The following GIT1 variants were observed in gnomAD, a reference collection of about 807,000 sequenced individuals.
The protein encoded by GIT1 is GIT ArfGAP 1.
GIT1 carries 14 observed loss-of-function variants against 91.7 expected under a neutral mutation model. The observed-to-expected ratio is 0.15, with a 90% CI of 0.10 to 0.24. The LOEUF (loss-of-function observed/expected upper bound fraction) is 0.24, where lower values mean the gene tolerates loss of function less well. GIT1 is among the 10% of genes least tolerant of loss of function. The pLI is 1.00. For synonymous variants in GIT1, 414 were observed against 418.2 expected (o/e 0.99, Z 0.12); for missense variants, 717 against 1,024.9 (o/e 0.70, Z 4.10).
intron 9 of GIT1, 141 bp downstream of exon 9, chr17:29,578,158 C>G (rs1286910284): frequency 4.1e-6 from 3 of 726,342 alleles, no homozygotes; most frequent in Non-Finnish European, 7.3e-6. Flanking sequence ...CCCAGGCAGG[C>G]TCACAGCCAG....
chr17:29,576,944 G>A lies in GIT1; in HGVS notation c.1146C>T (p.Asp382=). The part of the protein sequence containing the change: ...RSQSDLDDQH[D]YDSVASDEDT... The stretch of plus-strand genomic sequence containing the variant: ...CCTCGTCAGAGGCCACGCTGTCGTA[G>A]TCGTGTTGGTCGTCGAGGTCACTCT... The change falls in exon 12 of 20, where the codon GAC becomes GAT. Residue 382 remains aspartate (D), a synonymous_variant. Coordinates refer to ENST00000225394, the MANE Select transcript of GIT1 (RefSeq NM_014030.4). 1 of 1,596,718 alleles carries A rather than the reference G, an allele frequency of 6.3e-7. No individual in the cohort carries two copies. Among genetic ancestry groups the A allele is most frequent in the Non-Finnish European group, 8.5e-7 (1 of 1,175,920 alleles).
In GIT1 at chr17:29,581,411, A is replaced by C. The variant is rs754184275; in HGVS notation, c.719-31T>G. Reference sequence around the variant, plus strand: ...CAAAAATAAAAATGCCAAGTCACTCACTAGTGCTGGGTGGCCTCAGCAGCT... The same window carrying C: ...CAAAAATAAAAATGCCAAGTCACTCCCTAGTGCTGGGTGGCCTCAGCAGCT... On this transcript the variant is annotated intron_variant, in intron 6 of 19. Coordinates refer to ENST00000225394, the MANE Select transcript of GIT1 (RefSeq NM_014030.4). This position sits in a 1 kb window ranked among gnomAD's most constrained non-coding sequence, Gnocchi z 4.8. 6.3e-7 allele frequency: 1 copy of C among 1,584,810 alleles called. No homozygotes were observed. The highest frequency in any genetic ancestry group is 1.1e-5 in the South Asian group (1 of 90,526).
In GIT1 at chr17:29,581,853, T is replaced by G. The variant is rs748421682; in HGVS notation, c.624-17A>C. 3.1e-6 allele frequency: 5 copies of G among 1,611,998 alleles called. No homozygotes were observed. Among genetic ancestry groups the G allele is most frequent in the Non-Finnish European group, 4.2e-6 (5 of 1,179,280 alleles). ...CCCGCCTGCCTGTGAGGAGGGGGTA[T>G]GGCTCAGACCTGCAGCAGCAGCCCT... On this transcript the variant is annotated splice_polypyrimidine_tract_variant and intron_variant, in intron 5 of 19. Transcript: ENST00000225394. The surrounding 1 kb of genome is among the most constrained non-coding windows in gnomAD (Gnocchi z 4.8).
In GIT1 at chr17:29,576,567, C is replaced by T. The variant is rs1382999653; in HGVS notation, c.1335G>A (p.Lys445=). Reference sequence around the variant, plus strand: ...GCTCGTCGCTCAGGCTACTGTTGACCTTCATGAGCTGCTGCACCTTTGCCT... The same window carrying T: ...GCTCGTCGCTCAGGCTACTGTTGACTTTCATGAGCTGCTGCACCTTTGCCT... ...TSEAKVQQLM[K]VNSSLSDELR... is the part of the protein sequence containing the mutation. Residue 445 remains lysine, a synonymous_variant, in exon 13 of 20, where the codon AAG becomes AAA. Transcript: ENST00000225394. The T allele has an allele frequency of 6.2e-7, 1 of 1,613,926 alleles. No individual in the cohort carries two copies. Among genetic ancestry groups the T allele is most frequent in the Non-Finnish European group, 8.5e-7 (1 of 1,180,016 alleles).
Position 29,581,349 on chromosome 17 carries a change from C to T in GIT1, c.750G>A (p.Gln250=), listed in dbSNP as rs2033389151. The change falls in exon 7 of 20, where the codon CAG becomes CAA. Residue 250 remains glutamine, a synonymous_variant. Coordinates refer to ENST00000225394, the MANE Select transcript of GIT1 (RefSeq NM_014030.4). The surrounding 1 kb of genome is among the most constrained non-coding windows in gnomAD (Gnocchi z 4.8). ...AGGTGGGCACTCACCTGTCAGCCAT[C>T]TGTGGGATGATGTAATGCCCATTCT... ...DHKNGHYIIP[Q]MADSLDLSEL... 2 of 1,612,540 alleles carry T rather than the reference C, an allele frequency of 1.2e-6. No individual in the cohort carries two copies. Among genetic ancestry groups the T allele is most frequent in the South Asian group, 2.2e-5 (2 of 91,066 alleles).
rs745848486 is a variant in GIT1, at chr17:29,581,727, C to G, written c.718+15G>C. 2.5e-6 allele frequency: 4 copies of G among 1,603,402 alleles called. No homozygotes were observed. The stretch of plus-strand genomic sequence containing the variant: ...CAGGCCTGTCACAGCCAGGCGCCCC[C>G]CAAGCTCTGCTCACCCGGCTTGCGT... On this transcript the variant is annotated intron_variant, in intron 6 of 19. Transcript: ENST00000225394. The surrounding 1 kb of genome is among the most constrained non-coding windows in gnomAD (Gnocchi z 4.8).
chr17:29,575,497 A>G lies in GIT1; in HGVS notation c.1827-27T>C. 1.3e-6 allele frequency: 2 copies of G among 1,589,790 alleles called. No homozygotes were observed. Among genetic ancestry groups the G allele is most frequent in the Non-Finnish European group, 1.7e-6 (2 of 1,166,484 alleles). ...TGAGGCCCAGGTCCAGAAAACAGAG[A>G]CAAAGATACATATAGAGAAAGACAC... On this transcript the variant is annotated intron_variant, in intron 17 of 19. Transcript: ENST00000225394. The surrounding 1 kb of genome is among the most constrained non-coding windows in gnomAD (Gnocchi z 5.5).
At chr17:29,578,862 T>C (rs2033304031) in intron 7 of GIT1, 83 bp from the exon 8 acceptor site, 2 of 1,564,264 alleles carry the variant, frequency 1.3e-6, no homozygotes, top group South Asian at 1.1e-5. Flanking sequence ...CTCCCCAACA[T>C]GCAGGGATCC....
chr17:29,576,160 G>C (rs972957748), intron 14 of GIT1, 29 bp from the exon 15 acceptor site: 1 of 1,612,510 alleles, frequency 6.2e-7, no homozygotes, highest in African/African-American at 1.3e-5. Context: ...CGAGCGTCAT[G>C]GTGGACCCTG....
At chr17:29,579,909 C>T (rs559465052) in intron 7 of GIT1, among the ~76,000 whole-genome samples, 6 of 152,248 alleles carry the variant, frequency 3.9e-5, no homozygotes, top group East Asian at 1.9e-4. Flanking sequence ...TGGAACTCTC[C>T]GCTCTCGGGA....
At chr17:29,584,925 A>G (rs1369221830) in intron 1 of GIT1, among the ~76,000 whole-genome samples, 3 of 150,734 alleles carry the variant, frequency 2.0e-5, no homozygotes, top group African/African-American at 2.4e-5. Context: ...TGAAAACAGG[A>G]AGTAAAGGAG....
At position 29,575,735 on chromosome 17, in the gene GIT1, C is replaced by A; in HGVS notation, c.1753-32G>T. 1 of 1,611,340 alleles carries A rather than the reference C, an allele frequency of 6.2e-7. No homozygotes were observed. The highest frequency in any genetic ancestry group is 8.5e-7 in the Non-Finnish European group (1 of 1,178,536). ...GGCGGAGGGAAGGGGCTGTGAGCGC[C>A]GTGTTCCTGGACCCACACTGCCCCT... On this transcript the variant is annotated intron_variant, in intron 16 of 19. Coordinates refer to ENST00000225394, the MANE Select transcript of GIT1 (RefSeq NM_014030.4). This position sits in a 1 kb window ranked among gnomAD's most constrained non-coding sequence, Gnocchi z 5.5.
At position 29,589,608 on chromosome 17, in the gene GIT1, G is replaced by A. The variant is rs1333095124; in HGVS notation, c.-230C>T. On this transcript the variant is annotated 5_prime_UTR_variant, in exon 1 of 20. Transcript: ENST00000225394. This position sits in a 1 kb window ranked among gnomAD's most constrained non-coding sequence, Gnocchi z 5.2. Reference sequence around the variant, plus strand: ...CCCGCGCCGCCCCGCCGCCGCTCGCGGCTCCTCTCTCCGCCCCCTGCGCGG... The same window carrying A: ...CCCGCGCCGCCCCGCCGCCGCTCGCAGCTCCTCTCTCCGCCCCCTGCGCGG... The A allele has an allele frequency of 3.4e-5, 5 of 148,680 alleles. No individual in the cohort carries two copies. Among genetic ancestry groups the A allele is most frequent in the East Asian group, 3.9e-4 (2 of 5,076 alleles). 9.2% of individuals were successfully genotyped at this position (148,680 alleles called of 1,614,324 possible).
At position 29,589,249 on chromosome 17, in the gene GIT1, A is replaced by AGCGCTCTTGCCAG; in HGVS notation, c.52+65_52+77dup. The AGCGCTCTTGCCAG allele has an allele frequency of 2.9e-6, 1 of 341,204 alleles. No homozygotes were observed. The highest frequency in any genetic ancestry group is 4.1e-6 in the Non-Finnish European group (1 of 242,132). 21.1% of individuals were successfully genotyped at this position (341,204 alleles called of 1,614,324 possible). A position where few individuals can be genotyped will look rare whatever the true frequency, so the allele number is the denominator to read the frequency against. The stretch of plus-strand genomic sequence containing the variant: ...CCCGCCCAGCCCTCCGGCCCCGCAC[A>AGCGCTCTTGCCAG]GCGCTCTTGCCAGGCCCCGGCGCCC... On this transcript the variant is annotated intron_variant, in intron 1 of 19. Transcript: ENST00000225394. This position sits in a 1 kb window ranked among gnomAD's most constrained non-coding sequence, Gnocchi z 5.2.
At chr17:29,586,296 T>C (rs1321145703) in intron 1 of GIT1, among the ~76,000 whole-genome samples, 1 of 152,206 alleles carries the variant, frequency 6.6e-6, no homozygotes. Flanking sequence ...TATGAGACTT[T>C]TTTGTGACTT....
At chr17:29,579,910 G>T (rs149075191) in intron 7 of GIT1, among the ~76,000 whole-genome samples, 4 of 152,078 alleles carry the variant, frequency 2.6e-5, no homozygotes, top group African/African-American at 9.7e-5. Flanking sequence ...GGAACTCTCC[G>T]CTCTCGGGAT....
Position 29,575,710 on chromosome 17 carries a change from G to A in GIT1, c.1753-7C>T. 1.2e-6 allele frequency: 2 copies of A among 1,612,486 alleles called. No homozygotes were observed. Among genetic ancestry groups the A allele is most frequent in the East Asian group, 4.5e-5 (2 of 44,878 alleles). ...CGTGGCGGGAAAGCTTGCTCTGGAGGGCGGAGGGAAGGGGCTGTGAGCGCC... is the reference window on the plus strand; with the variant it reads ...CGTGGCGGGAAAGCTTGCTCTGGAGAGCGGAGGGAAGGGGCTGTGAGCGCC... On this transcript the variant is annotated splice_region_variant and splice_polypyrimidine_tract_variant and intron_variant, in intron 16 of 19. Transcript: ENST00000225394. The surrounding 1 kb of genome is among the most constrained non-coding windows in gnomAD (Gnocchi z 5.5).
In GIT1 at chr17:29,577,682, A is replaced by C; in HGVS notation, c.944T>G (p.Leu315Arg). 6.2e-7 allele frequency: 1 copy of C among 1,612,972 alleles called. No homozygotes were observed. The highest frequency in any genetic ancestry group is 2.2e-5 in the East Asian group (1 of 44,836). The change falls in exon 10 of 20, where the codon CTG becomes CGG. Residue 315 changes from leucine to arginine, a missense_variant. Transcript: ENST00000225394. ...GGCTGAGTATTCCGGGTTAACAGGCAGGAAGGGCACGGCACTGCGCTCTGT... is the reference window on the plus strand; with the variant it reads ...GGCTGAGTATTCCGGGTTAACAGGCCGGAAGGGCACGGCACTGCGCTCTGT... ...LVTERSAVPF[L>R]PVNPEYSATR...
chr17:29,578,110 C>T (rs1194565565), intron 9 of GIT1, among the ~76,000 whole-genome samples, 189 bp downstream of exon 9: 1 of 152,150 alleles, frequency 6.6e-6, no homozygotes, highest in African/African-American at 2.4e-5. Flanking sequence ...GCACGCTAGC[C>T]GCCTCCCCCT....
Sources: allele counts gnomAD v4.1 joint callset (sites outside exome capture counted in the v4.1 genomes callset), GRCh38; gene constraint gnomAD v4.1.1; non-coding constraint Gnocchi (gnomAD v3.1); transcripts MANE v1.5; gene names NCBI Gene and HGNC (gene_info 2026-07-23, HGNC 2026-07-21).